The following NECTIN1 variants were observed in gnomAD, a reference collection of about 807,000 sequenced individuals.
The protein encoded by NECTIN1 is nectin-1.
In NECTIN1, 23 loss-of-function variants were observed where a neutral mutation model predicts 48.0. That is an observed-to-expected ratio of 0.48 (90% confidence interval 0.34 to 0.68). The LOEUF is 0.68. Ranked by LOEUF, NECTIN1 falls within the 30% of genes least tolerant of loss-of-function variation. The pLI is 0.01. For missense variants in NECTIN1, 591 were observed against 709.9 expected, an observed-to-expected ratio of 0.83 and a Z score of 1.90; for synonymous variants, 270 against 288.9, an observed-to-expected ratio of 0.93 and a Z score of 0.66.
At chr11:119,668,624 C>T (rs2135545348) in intron 5 of NECTIN1, among the ~76,000 whole-genome samples, 1 of 152,348 alleles carries the variant, frequency 6.6e-6, no homozygotes, top group East Asian at 1.9e-4. Context: ...GCCTTCTCTT[C>T]TCCAGTTTAC....
At chr11:119,657,725 C>A (rs1433199694), downstream of NECTIN1, among the ~76,000 whole-genome samples, 10 of 138,832 alleles carry the variant, frequency 7.2e-5, no homozygotes, top group East Asian at 1.8e-3. Flanking sequence ...CATAGGGAGA[C>A]CCCTGTCTCT....
chr11:119,724,932 GT>G (rs1000073825), intron 1 of NECTIN1, among the ~76,000 whole-genome samples: 1 of 151,778 alleles, frequency 6.6e-6, no homozygotes, highest in Non-Finnish European at 1.5e-5. Context: ...TTTGTTTTTT[GT>G]TTTTTTTAAA....
intron 1 of NECTIN1, among the ~76,000 whole-genome samples, chr11:119,721,760 G>A (rs1429663136): frequency 6.6e-6 from 1 of 152,204 alleles, no homozygotes; most frequent in Non-Finnish European, 1.5e-5. Flanking sequence ...ACACCTCAGG[G>A]GCCCTGCCCA....
At chr11:119,638,785 C>G in exon 7 of NECTIN1, 1 of 1,614,058 alleles carries the variant, frequency 6.2e-7, no homozygotes, top group Non-Finnish European at 8.5e-7. Flanking sequence ...GCTCCGGCTT[C>G]TGGGAGAGGG....
chr11:119,700,952 G>A (rs1174013224), intron 1 of NECTIN1, among the ~76,000 whole-genome samples: 1 of 152,176 alleles, frequency 6.6e-6, no homozygotes, highest in Non-Finnish European at 1.5e-5. Context: ...CTGAGACCTT[G>A]AACTTACACC....
At chr11:119,691,190 G>A (rs184082153) in intron 1 of NECTIN1, among the ~76,000 whole-genome samples, 3 of 152,180 alleles carry the variant, frequency 2.0e-5, no homozygotes, top group East Asian at 1.9e-4. Flanking sequence ...ACACAAACCC[G>A]GGTCATGACC....
intron 1 of NECTIN1, among the ~76,000 whole-genome samples, chr11:119,702,094 C>T (rs937007263): frequency 6.6e-6 from 1 of 152,210 alleles, no homozygotes; most frequent in African/African-American, 2.4e-5. Context: ...GAGGGTGGCA[C>T]CAGCCTGGGG....
At chr11:119,726,736 C>G (rs1865913628) in intron 1 of NECTIN1, among the ~76,000 whole-genome samples, 1 of 152,224 alleles carries the variant, frequency 6.6e-6, no homozygotes, top group Admixed American at 6.5e-5. Context: ...ACCCTTCCCA[C>G]CACCCTTTGT....
At chr11:119,640,161 G>T in intron 5 of NECTIN1, 1 of 860,754 alleles carries the variant, frequency 1.2e-6, no homozygotes, top group Non-Finnish European at 1.8e-6. Flanking sequence ...TCCAGTTCTA[G>T]GAGGGGCTCC....
At chr11:119,707,070 G>A (rs1865560908) in intron 1 of NECTIN1, among the ~76,000 whole-genome samples, 1 of 152,138 alleles carries the variant, frequency 6.6e-6, no homozygotes. Flanking sequence ...AGGGAAGTAG[G>A]CCCACTACTG....
In NECTIN1 at chr11:119,664,526, C is replaced by T. The variant is rs1288106766; in HGVS notation, c.*221G>A. On this transcript the variant is annotated 3_prime_UTR_variant, in exon 6 of 6. Transcript: ENST00000264025. Reference sequence around the variant, plus strand: ...CAGTAACACTAAAGCCACAGTCGAACACAACACCATGGGGAAGGGCGGAGG... The same window carrying T: ...CAGTAACACTAAAGCCACAGTCGAATACAACACCATGGGGAAGGGCGGAGG... 1.2e-5 allele frequency: 17 copies of T among 1,418,572 alleles called. No individual in the cohort carries two copies. Among genetic ancestry groups the T allele is most frequent in the African/African-American group, 1.4e-5 (1 of 69,328 alleles). The allele number at this position is 1,418,572 out of a possible 1,614,324, so 87.9% of individuals were successfully genotyped here.
At chr11:119,726,799 G>A (rs1865914421) in intron 1 of NECTIN1, among the ~76,000 whole-genome samples, 1 of 152,166 alleles carries the variant, frequency 6.6e-6, no homozygotes, top group Admixed American at 6.5e-5. Context: ...AGAGCTCTGG[G>A]AAGCTCTCGT....
Position 119,677,513 on chromosome 11 carries a change from G to A in NECTIN1, c.733+42C>T. 1 of 1,604,670 alleles carries A rather than the reference G, an allele frequency of 6.2e-7. No individual in the cohort carries two copies. Among genetic ancestry groups the A allele is most frequent in the Non-Finnish European group, 8.5e-7 (1 of 1,173,166 alleles). On this transcript the variant is annotated intron_variant, in intron 3 of 5. Coordinates refer to ENST00000264025, the MANE Select transcript of NECTIN1 (RefSeq NM_002855.5). The surrounding 1 kb of genome is among the most constrained non-coding windows in gnomAD (Gnocchi z 5.4). The stretch of plus-strand genomic sequence containing the variant: ...GAGAGGAGGAGGGAGGAGGGACAGT[G>A]GCGCCCACCCCAGGAGGCCCCTGGC...
rs1257715492 is a variant in NECTIN1 at position 119,729,195 on chromosome 11, CTCTT to C, written c.-646_-643del. On this transcript the variant is annotated 5_prime_UTR_variant, in exon 1 of 6. Transcript: ENST00000264025. The stretch of plus-strand genomic sequence containing the variant: ...TGGAGCCGCGCTCGCTGCTCTCGCT[CTCTT>C]TCTCTCACTCGCCGAGCTCCAGCCT... 6.6e-6 allele frequency: 1 copy of C among 152,192 alleles called. No homozygotes were observed. Among genetic ancestry groups the C allele is most frequent in the Non-Finnish European group, 1.5e-5 (1 of 68,058 alleles). The allele number at this position is 152,192 out of a possible 1,614,324, so 9.4% of individuals were successfully genotyped here.
chr11:119,686,830 G>A (rs1366225032), intron 1 of NECTIN1, among the ~76,000 whole-genome samples: 1 of 152,170 alleles, frequency 6.6e-6, no homozygotes, highest in African/African-American at 2.4e-5. Flanking sequence ...CAGGGTCCCA[G>A]TATCTCGGCG....
chr11:119,642,682 G>A (rs773850243), intron 5 of NECTIN1: 19 of 153,494 alleles, frequency 1.2e-4, no homozygotes, highest in Non-Finnish European at 5.9e-5. Context: ...GACCCCTAGC[G>A]AATAGCAAAA....
At chr11:119,689,083 C>T (rs1479228911) in intron 1 of NECTIN1, among the ~76,000 whole-genome samples, 3 of 152,128 alleles carry the variant, frequency 2.0e-5, no homozygotes, top group South Asian at 2.1e-4. Context: ...TGGTAAACTG[C>T]TATCATTTTG....
chr11:119,720,944 C>A (rs774140919), intron 1 of NECTIN1, among the ~76,000 whole-genome samples: 1 of 152,146 alleles, frequency 6.6e-6, no homozygotes, highest in East Asian at 1.9e-4. Flanking sequence ...TTTCAGCCAT[C>A]GGTGAAACTC....
chr11:119,725,075 G>A (rs1324499351), intron 1 of NECTIN1, among the ~76,000 whole-genome samples: 1 of 152,114 alleles, frequency 6.6e-6, no homozygotes, highest in Non-Finnish European at 1.5e-5. Context: ...CCTCCCTTGG[G>A]TATTTTCTGT....
Sources: gnomAD v4.1 joint callset for allele counts (sites outside exome capture counted in the v4.1 genomes callset) on GRCh38, gnomAD v4.1.1 for gene constraint, Gnocchi (gnomAD v3.1) non-coding constraint, MANE v1.5 for transcripts, NCBI Gene and HGNC (gene_info 2026-07-23, HGNC 2026-07-21) for gene names.